Variants in SH3GL2 observed in about 807,000 individuals in gnomAD.
SH3GL2 encodes endophilin-A1.
Under a neutral mutation model 46.0 loss-of-function variants are expected in SH3GL2, and 24 were observed. The observed-to-expected ratio is 0.52, with a 90% confidence interval of 0.38 to 0.73. SH3GL2 has a LOEUF of 0.73. Ranked by LOEUF, SH3GL2 falls within the 30% of genes least tolerant of loss-of-function variation. SH3GL2 has a pLI of 0.00. For missense variants in SH3GL2, 413 were observed against 424.2 expected (o/e 0.97, Z 0.23); for synonymous variants, 196 against 147.1 (o/e 1.33, Z -2.40).
rs55910832 is a variant in SH3GL2 at position 17,622,762 on chromosome 9, C to T, written c.45+43475C>T. On this transcript the variant is annotated intron_variant, in intron 1 of 8. Coordinates refer to ENST00000380607, the MANE Select transcript of SH3GL2 (RefSeq NM_003026.5). ...CAAAATGAGGAAGTCAGAGCAGGCA[C>T]GGTAAGTAAAGAATAATGGATCCTG... Among the ~76,000 whole-genome samples, 730 of 152,154 alleles carry T rather than the reference C, an allele frequency of 4.8e-3. 4 individuals carry two copies. The highest frequency in any genetic ancestry group is 0.016 in the African/African-American group (675 of 41,514).
chr9:17,738,529 C>T (rs1822412028), intron 1 of SH3GL2, among the ~76,000 whole-genome samples: 1 of 71,560 alleles, frequency 1.4e-5, no homozygotes, highest in Non-Finnish European at 3.3e-5. Flanking sequence ...TGTGTATATA[C>T]ATACATATAT....
At chr9:17,743,791 A>T (rs1046549996) in intron 1 of SH3GL2, among the ~76,000 whole-genome samples, 17 of 152,304 alleles carry the variant, frequency 1.1e-4, no homozygotes, top group African/African-American at 3.8e-4. Flanking sequence ...ACAGTATAGG[A>T]TTGAAAGTGT....
chr9:17,668,916 C>T (rs73420578), intron 1 of SH3GL2, among the ~76,000 whole-genome samples: 6,234 of 152,190 alleles, frequency 0.041, 415 homozygotes, highest in African/African-American at 0.14. Flanking sequence ...CCTTGGCATC[C>T]GAGAGGGCTG....
intron 1 of SH3GL2, among the ~76,000 whole-genome samples, chr9:17,646,709 G>C (rs7030129): frequency 0.026 from 3,935 of 152,268 alleles, 71 homozygotes; most frequent in Middle Eastern, 0.058. Flanking sequence ...GGAGTCTGCA[G>C]AACAGCAAAG....
intron 1 of SH3GL2, among the ~76,000 whole-genome samples, chr9:17,644,003 A>G (rs1163731419): frequency 6.6e-6 from 1 of 152,130 alleles, no homozygotes; most frequent in African/African-American, 2.4e-5. Context: ...TACTGCCTCA[A>G]TTTCAGAACT....
chr9:17,762,388 G>A (rs779393132), intron 3 of SH3GL2, among the ~76,000 whole-genome samples: 5 of 132,552 alleles, frequency 3.8e-5, no homozygotes, highest in Non-Finnish European at 3.2e-5. Flanking sequence ...GAGCAATAGT[G>A]GACAAGTGAT....
chr9:17,631,042 A>C (rs1401030615), intron 1 of SH3GL2, among the ~76,000 whole-genome samples: 1 of 151,920 alleles, frequency 6.6e-6, no homozygotes, highest in East Asian at 1.9e-4. Flanking sequence ...ATAGCATTAA[A>C]AATGTCCCAA....
intron 1 of SH3GL2, among the ~76,000 whole-genome samples, chr9:17,668,771 C>G (rs1820403070): frequency 6.6e-6 from 1 of 152,156 alleles, no homozygotes; most frequent in East Asian, 1.9e-4. Context: ...ATCCTCCTAC[C>G]TCAGCCTCCT....
At chr9:17,681,502 G>GC (rs1377309388) in intron 1 of SH3GL2, among the ~76,000 whole-genome samples, 3 of 152,092 alleles carry the variant, frequency 2.0e-5, no homozygotes, top group African/African-American at 7.2e-5. Flanking sequence ...GGCTTAATAT[G>GC]CAGAACACTG....
At position 17,795,641 on chromosome 9, in the gene SH3GL2, C is replaced by T. The variant is rs750796356; in HGVS notation, c.957C>T (p.Leu319=). 76 of 1,613,758 alleles carry T rather than the reference C, an allele frequency of 4.7e-5. No homozygotes were observed. The highest frequency in any genetic ancestry group is 5.8e-5 in the Non-Finnish European group (69 of 1,179,778). The change falls in exon 9 of 9, where the codon CTC becomes CTT. Residue 319 remains leucine, a synonymous_variant. Coordinates refer to ENST00000380607, the MANE Select transcript of SH3GL2 (RefSeq NM_003026.5). ...LGFKEGDIIT[L]TNQIDENWYE... is the part of the protein sequence containing the mutation. Reference sequence around the variant, plus strand: ...TTAAAGAGGGCGATATCATCACACTCACTAACCAAATTGATGAGAACTGGT... The same window carrying T: ...TTAAAGAGGGCGATATCATCACACTTACTAACCAAATTGATGAGAACTGGT...
intron 1 of SH3GL2, among the ~76,000 whole-genome samples, chr9:17,628,752 C>T (rs1006270357): frequency 6.6e-6 from 1 of 151,748 alleles, no homozygotes; most frequent in Non-Finnish European, 1.5e-5. Flanking sequence ...ATATTGGGCA[C>T]TAAGTATTAA....
chr9:17,623,039 T>TCCTTTCCTTTCCTTCCCTTCC (rs1563786548), intron 1 of SH3GL2, among the ~76,000 whole-genome samples: 1 of 84,224 alleles, frequency 1.2e-5, no homozygotes, highest in Non-Finnish European at 2.3e-5. Context: ...TCCTTTCCTT[T>TCCTTTCCTTTCCTTCCCTTCC]CCTTCCCCTT....
intron 3 of SH3GL2, among the ~76,000 whole-genome samples, chr9:17,779,916 T>G (rs537814643): frequency 5.3e-5 from 8 of 152,298 alleles, no homozygotes; most frequent in Admixed American, 2.6e-4. Flanking sequence ...TCCTGTGTTC[T>G]TTATCTCACA....
At chr9:17,580,834 C>T (rs1445120044) in intron 1 of SH3GL2, among the ~76,000 whole-genome samples, 1 of 152,180 alleles carries the variant, frequency 6.6e-6, no homozygotes, top group African/African-American at 2.4e-5. Context: ...CTCAGCACTG[C>T]GTTTACCAAC....
At chr9:17,791,175 C>A (rs986410943) in intron 6 of SH3GL2, 56 bp from the exon 7 acceptor site, 75 of 1,221,598 alleles carry the variant, frequency 6.1e-5, no homozygotes, top group Non-Finnish European at 8.4e-5. Context: ...ACAGTAGTGG[C>A]TGTTTAGGGA....
intron 1 of SH3GL2, among the ~76,000 whole-genome samples, chr9:17,718,286 A>G (rs1411385705): frequency 6.6e-6 from 1 of 152,172 alleles, no homozygotes; most frequent in Admixed American, 6.5e-5. Flanking sequence ...ATCGTGATTT[A>G]TCAAGCATTT....
intron 1 of SH3GL2, among the ~76,000 whole-genome samples, chr9:17,628,742 A>G (rs1303040944): frequency 2.0e-5 from 3 of 152,000 alleles, no homozygotes; most frequent in African/African-American, 7.2e-5. Flanking sequence ...GGAGAATTGT[A>G]TATTGGGCAC....
intron 1 of SH3GL2, among the ~76,000 whole-genome samples, chr9:17,648,342 C>T (rs540840326): frequency 2.0e-5 from 3 of 151,850 alleles, no homozygotes; most frequent in Non-Finnish European, 2.9e-5. Flanking sequence ...ATGAGATTAA[C>T]GCTGTTAGGT....
chr9:17,613,890 A>G (rs1052176314), intron 1 of SH3GL2, among the ~76,000 whole-genome samples: 4 of 152,144 alleles, frequency 2.6e-5, no homozygotes, highest in Non-Finnish European at 5.9e-5. Context: ...TCTTAATGCC[A>G]CTAAATTACC....
Sources: allele counts gnomAD v4.1 joint callset (sites outside exome capture counted in the v4.1 genomes callset), GRCh38; gene constraint gnomAD v4.1.1; transcripts MANE v1.5; gene names NCBI Gene and HGNC (gene_info 2026-07-23, HGNC 2026-07-21).